The following CDC42BPA variants were observed in gnomAD, a reference collection of about 807,000 sequenced individuals.
CDC42BPA encodes the protein CDC42 binding protein kinase alpha, also known as serine/threonine-protein kinase MRCK alpha.
In CDC42BPA, 80 loss-of-function variants were observed where a neutral mutation model predicts 223.5. The observed-to-expected ratio is 0.36, with a 90% CI of 0.30 to 0.43. The LOEUF (loss-of-function observed/expected upper bound fraction) is 0.43. Among genes scored for constraint, CDC42BPA ranks in the 20% least tolerant of loss-of-function variants. CDC42BPA has a pLI of 1.00. For synonymous variants in CDC42BPA, 694 were observed against 718.6 expected (o/e 0.97, Z 0.55); for missense variants, 1,743 against 2,099.9 (o/e 0.83, Z 3.32).
chr1:227,234,070 A>G (rs1028708932), intron 2 of CDC42BPA, among the ~76,000 whole-genome samples: 8 of 152,180 alleles, frequency 5.3e-5, no homozygotes, highest in African/African-American at 1.9e-4. Flanking sequence ...TCAAGTGGCA[A>G]CAGTGGTGGA....
chr1:227,144,783 G>A (rs1481379767), intron 8 of CDC42BPA, among the ~76,000 whole-genome samples: 2 of 152,032 alleles, frequency 1.3e-5, no homozygotes, highest in Non-Finnish European at 2.9e-5. Context: ...CGAATAATTG[G>A]CTTGAGGTCT....
intron 1 of CDC42BPA, among the ~76,000 whole-genome samples, chr1:227,307,719 C>T (rs1692807867): frequency 6.6e-6 from 1 of 152,132 alleles, no homozygotes; most frequent in African/African-American, 2.4e-5. Context: ...TACCACACCA[C>T]ACGTTTGTGT....
intron 32 of CDC42BPA, among the ~76,000 whole-genome samples, chr1:227,018,606 AG>A (rs1666761955): frequency 6.6e-6 from 1 of 152,194 alleles, no homozygotes. Flanking sequence ...AGTCACACAC[AG>A]TGAGAATAAG....
rs572502398 is a variant in CDC42BPA at position 227,096,344 on chromosome 1, C to G, written c.2250-4353G>C. 2.6e-4 allele frequency among the ~76,000 whole-genome samples: 39 copies of G among 152,266 alleles called. No individual in the cohort carries two copies. In the South Asian group the frequency reaches 7.2e-3, roughly 28 times the overall value. ...CATTCTTTTTCCTGTTAGCATTAAA[C>G]AAGCTTAAGTCTCTTCCATATTAAA... On this transcript the variant is annotated intron_variant, in intron 15 of 36. Transcript: ENST00000366766.
At chr1:227,199,690 T>C (rs763100680) in intron 3 of CDC42BPA, 38 bp from the exon 4 acceptor site, 10 of 997,390 alleles carry the variant, frequency 1.0e-5, no homozygotes, top group Middle Eastern at 2.1e-4. Flanking sequence ...GCATACTTTA[T>C]GTAAAACTAG....
chr1:227,237,357 T>TA (rs1425567293), intron 2 of CDC42BPA, among the ~76,000 whole-genome samples: 7 of 152,214 alleles, frequency 4.6e-5, no homozygotes, highest in African/African-American at 1.7e-4. Context: ...CACTCCTGTC[T>TA]ACCCCATTCC....
chr1:227,177,911 A>AAT (rs2150004655), intron 5 of CDC42BPA, among the ~76,000 whole-genome samples: 1 of 152,118 alleles, frequency 6.6e-6, no homozygotes, highest in East Asian at 1.9e-4. Context: ...ATTCCTATGT[A>AAT]ATCTCCTTTG....
In CDC42BPA at chr1:227,317,965, G is replaced by T. The variant is rs1694663253; in HGVS notation, c.-783C>A. 5.0e-6 allele frequency: 2 copies of T among 396,602 alleles called. No homozygotes were observed. The highest frequency in any genetic ancestry group is 8.8e-5 in the Admixed American group (2 of 22,630). 24.6% of individuals were successfully genotyped at this position (396,602 alleles called of 1,614,324 possible). On this transcript the variant is annotated 5_prime_UTR_variant, in exon 1 of 37. Coordinates refer to ENST00000366766, the MANE Select transcript of CDC42BPA (RefSeq NM_001394014.1). ...TAGGGCCTGACCGGCGGCGCGGCCG[G>T]GGGTGGAAGGCGGGCTGCGGGCGGC...
At chr1:227,023,430 C>A in intron 31 of CDC42BPA, 83 bp from the exon 32 acceptor site, 3 of 651,650 alleles carry the variant, frequency 4.6e-6, no homozygotes, top group East Asian at 5.8e-5. Flanking sequence ...ATAAAGCACA[C>A]CTTATTAAGA....
chr1:227,103,821 AAC>A (rs1685449968), intron 14 of CDC42BPA, among the ~76,000 whole-genome samples: 1 of 152,102 alleles, frequency 6.6e-6, no homozygotes, highest in African/African-American at 2.4e-5. Context: ...TAATAGATTA[AAC>A]AGTTAATTAT....
intron 12 of CDC42BPA, 94 bp downstream of exon 12, chr1:227,119,710 T>C: frequency 1.2e-6 from 1 of 835,538 alleles, no homozygotes; most frequent in South Asian, 2.5e-5. Context: ...ATATACTATG[T>C]ATTATTGTAA....
intron 7 of CDC42BPA, 46 bp downstream of exon 7, chr1:227,147,313 T>C: frequency 7.4e-7 from 1 of 1,346,940 alleles, no homozygotes; most frequent in Admixed American, 2.1e-5. Flanking sequence ...TTTTATTATA[T>C]GTGTTATTTA....
At position 227,070,855 on chromosome 1, in the gene CDC42BPA, C is replaced by T. The variant is rs73091781; in HGVS notation, c.2828-1002G>A. 9.2e-3 allele frequency among the ~76,000 whole-genome samples: 1,397 copies of T among 151,894 alleles called. 24 individuals carry two copies. Among genetic ancestry groups the T allele is most frequent in the African/African-American group, 0.032 (1,334 of 41,520 alleles). On this transcript the variant is annotated intron_variant, in intron 20 of 36. Transcript: ENST00000366766. ...TTCAGTGATAAACTTAAGTCTCTTT[C>T]AAGTTTAGGTCTATTCTAAAAATGA... is the stretch of plus-strand genomic sequence containing the variant.
At chr1:227,138,524 C>CAGAAAA (rs1553357796) in intron 10 of CDC42BPA, among the ~76,000 whole-genome samples, 4 of 96,180 alleles carry the variant, frequency 4.2e-5, no homozygotes, top group African/African-American at 1.2e-4. Context: ...CCCCAGAAGC[C>CAGAAAA]AAAAAAAAAA....
At chr1:227,217,087 C>T (rs529178166) in intron 2 of CDC42BPA, among the ~76,000 whole-genome samples, 1 of 152,198 alleles carries the variant, frequency 6.6e-6, no homozygotes, top group South Asian at 2.1e-4. Context: ...ACAGTTGCCA[C>T]GGAGTTCTAT....
rs1354624549 is a variant in CDC42BPA at position 227,005,066 on chromosome 1, T to G, written c.4903A>C (p.Ser1635Arg). 2 of 1,614,180 alleles carry G rather than the reference T, an allele frequency of 1.2e-6. No individual in the cohort carries two copies. The highest frequency in any genetic ancestry group is 1.7e-6 in the Non-Finnish European group (2 of 1,180,014). Reference protein sequence around the residue: ...ESRTVFSGSVSIPSITKSRPE... With the variant: ...ESRTVFSGSVRIPSITKSRPE... Reference sequence around the variant, plus strand: ...CGGGATTTGGTGATAGATGGAATACTGACTGAGCCACTGAATACTGTCCGA... The same window carrying G: ...CGGGATTTGGTGATAGATGGAATACGGACTGAGCCACTGAATACTGTCCGA... The change falls in exon 35 of 37, where the codon AGT (serine) becomes CGT (arginine). Residue 1635 changes from serine to arginine, a missense_variant. By Grantham distance (110) the Ser-to-Arg change is moderately radical (BLOSUM62 -1). This residue lies in a region of CDC42BPA where 200 missense variants were observed against 192.8 expected (regional missense o/e 1.04). Coordinates refer to ENST00000366766, the MANE Select transcript of CDC42BPA (RefSeq NM_001394014.1).
intron 21 of CDC42BPA, among the ~76,000 whole-genome samples, chr1:227,059,879 A>G (rs1675429903): frequency 6.6e-6 from 1 of 152,060 alleles, no homozygotes; most frequent in Non-Finnish European, 1.5e-5. Context: ...TTCAGAATTA[A>G]TGATAATAAA....
chr1:227,177,423 T>C (rs1667157457), intron 5 of CDC42BPA, among the ~76,000 whole-genome samples: 2 of 152,182 alleles, frequency 1.3e-5, no homozygotes, highest in African/African-American at 4.8e-5. Context: ...AGATGTTAAT[T>C]ACCTTTTAGC....
intron 16 of CDC42BPA, among the ~76,000 whole-genome samples, chr1:227,081,327 A>G (rs17544956): frequency 0.14 from 21,453 of 151,926 alleles, 1,909 homozygotes; most frequent in South Asian, 0.34. Flanking sequence ...TTTCTTTAAA[A>G]TAGCATGTAA....
Sources: gnomAD v4.1 joint callset for allele counts (sites outside exome capture counted in the v4.1 genomes callset) on GRCh38, gnomAD v4.1.1 for gene constraint, gnomAD v4.1.1 regional missense constraint, MANE v1.5 for transcripts, NCBI Gene and HGNC (gene_info 2026-07-23, HGNC 2026-07-21) for gene names.